NEK11: variants seen among roughly 807,000 people sequenced by gnomAD.
NEK11 encodes the protein NIMA related kinase 11.
In NEK11, 72 loss-of-function variants were observed where a neutral mutation model predicts 80.7. That is an observed-to-expected ratio of 0.89 (90% CI 0.74 to 1.08). The LOEUF is 1.08. Among genes scored for constraint, NEK11 ranks in the 50% least tolerant of loss-of-function variants. The pLI is 0.00. For missense variants in NEK11, 764 were observed against 763.6 expected, an observed-to-expected ratio of 1.00 and a Z score of -0.01; for synonymous variants, 251 against 260.7, an observed-to-expected ratio of 0.96 and a Z score of 0.36.
intron 3 of NEK11, among the ~76,000 whole-genome samples, chr3:131,042,969 C>T (rs866918342): frequency 6.6e-6 from 1 of 152,150 alleles, no homozygotes; most frequent in Non-Finnish European, 1.5e-5. Context: ...CCCAGGCAAA[C>T]GGGGTTTGGA....
intron 4 of NEK11, among the ~76,000 whole-genome samples, chr3:131,089,070 T>G (rs1288568419): frequency 1.3e-5 from 2 of 152,260 alleles, no homozygotes; most frequent in Non-Finnish European, 2.9e-5. Context: ...GTACATCTTT[T>G]GCCTTTGGAG....
chr3:131,167,342 A>G (rs779737564), intron 12 of NEK11, among the ~76,000 whole-genome samples: 5 of 152,220 alleles, frequency 3.3e-5, no homozygotes, highest in Admixed American at 6.5e-5. Context: ...ATTGAGAAGT[A>G]CAGGCATGGT....
chr3:131,170,316 A>G (rs1326677340), intron 13 of NEK11, among the ~76,000 whole-genome samples: 1 of 152,224 alleles, frequency 6.6e-6, no homozygotes, highest in African/African-American at 2.4e-5. Flanking sequence ...CTTTTAGGAA[A>G]TTGGAATTCA....
intron 3 of NEK11, among the ~76,000 whole-genome samples, chr3:131,064,972 T>C (rs2071625722): frequency 1.3e-5 from 2 of 152,156 alleles, no homozygotes; most frequent in Admixed American, 1.3e-4. Context: ...GTAGAGACAG[T>C]GTGTCCCAGA....
At chr3:131,306,566 A>G (rs1246114090) in intron 17 of NEK11, among the ~76,000 whole-genome samples, 1 of 152,190 alleles carries the variant, frequency 6.6e-6, no homozygotes, top group African/African-American at 2.4e-5. Context: ...GAAGGCTAGA[A>G]CTAACTGGAG....
chr3:131,118,619 G>A (rs2081750857), intron 5 of NEK11, among the ~76,000 whole-genome samples: 1 of 152,124 alleles, frequency 6.6e-6, no homozygotes, highest in African/African-American at 2.4e-5. Flanking sequence ...TTTTTGGTTG[G>A]TAGGCTATTA....
chr3:131,049,385 A>G (rs1286977954), intron 3 of NEK11, among the ~76,000 whole-genome samples: 10 of 152,226 alleles, frequency 6.6e-5, no homozygotes, highest in African/African-American at 1.2e-4. Flanking sequence ...GTTACGCAGT[A>G]TATGTCCTAG....
chr3:131,132,247 G>A (rs568492204), intron 5 of NEK11, among the ~76,000 whole-genome samples: 60 of 151,662 alleles, frequency 4.0e-4, no homozygotes, highest in African/African-American at 1.4e-3. Context: ...AAGTTTTCTA[G>A]TTCTTTATAA....
At chr3:131,308,722 A>G (rs575196496) in intron 17 of NEK11, among the ~76,000 whole-genome samples, 20 of 152,266 alleles carry the variant, frequency 1.3e-4, no homozygotes, top group Non-Finnish European at 2.5e-4. Context: ...GATTCTCAAG[A>G]CTCAATTTAA....
intron 3 of NEK11, among the ~76,000 whole-genome samples, chr3:131,065,184 A>T (rs1479548583): frequency 6.6e-6 from 1 of 152,162 alleles, no homozygotes; most frequent in East Asian, 1.9e-4. Context: ...TTTATATCTC[A>T]GTCTTTCCAC....
chr3:131,080,593 G>A lies in NEK11; in HGVS notation c.336+5G>A. On this transcript the variant is annotated splice_donor_5th_base_variant and intron_variant, in intron 4 of 17. Coordinates refer to ENST00000383366, the MANE Select transcript of NEK11 (RefSeq NM_024800.5). The stretch of plus-strand genomic sequence containing the variant: ...ATTATCACGGAGTACTGTGAGGTGA[G>A]ACTCTCCTTTTCTCTTGGAAGTCTT... The A allele has an allele frequency of 6.2e-7, 1 of 1,601,744 alleles. No homozygotes were observed. The highest frequency in any genetic ancestry group is 8.5e-7 in the Non-Finnish European group (1 of 1,176,460).
chr3:131,297,344 G>T (rs1450389762), intron 17 of NEK11, among the ~76,000 whole-genome samples: 1 of 152,034 alleles, frequency 6.6e-6, no homozygotes. Context: ...ACTTTTTAAT[G>T]ATTGCCATTC....
intron 14 of NEK11, among the ~76,000 whole-genome samples, chr3:131,184,410 C>G (rs905205775): frequency 6.6e-6 from 1 of 152,164 alleles, no homozygotes; most frequent in Admixed American, 6.5e-5. Context: ...AAGGACTGAG[C>G]TAGACTCTAA....
At chr3:131,252,243 C>G (rs537739500) in intron 16 of NEK11, among the ~76,000 whole-genome samples, 10 of 152,228 alleles carry the variant, frequency 6.6e-5, no homozygotes, top group African/African-American at 2.2e-4. Context: ...CTAGGCTTTA[C>G]TCATGCTCAT....
At chr3:131,310,467 C>T (rs1032066123) in intron 17 of NEK11, among the ~76,000 whole-genome samples, 6 of 152,088 alleles carry the variant, frequency 3.9e-5, no homozygotes, top group Admixed American at 6.6e-5. Flanking sequence ...GGATTAGATG[C>T]GAGATATTTT....
At chr3:131,088,710 A>T (rs1386547403) in intron 4 of NEK11, among the ~76,000 whole-genome samples, 1 of 152,178 alleles carries the variant, frequency 6.6e-6, no homozygotes, top group Non-Finnish European at 1.5e-5. Flanking sequence ...CTATCTCTAA[A>T]AGAATTTGAA....
At chr3:131,120,673 G>A (rs192017795) in intron 5 of NEK11, among the ~76,000 whole-genome samples, 45 of 152,070 alleles carry the variant, frequency 3.0e-4, no homozygotes, top group Admixed American at 8.5e-4. Flanking sequence ...GTCTTTGTTC[G>A]TTCCTTTTTA....
chr3:131,148,485 A>G (rs909553009), intron 7 of NEK11, among the ~76,000 whole-genome samples: 29 of 151,914 alleles, frequency 1.9e-4, no homozygotes, highest in Admixed American at 8.5e-4. Flanking sequence ...TCTTTGCAAG[A>G]GCTTTTTATT....
chr3:131,317,733 T>C (rs970679166), intron 17 of NEK11, among the ~76,000 whole-genome samples: 1 of 107,684 alleles, frequency 9.3e-6, no homozygotes, highest in East Asian at 2.7e-4. Context: ...TTGGGTGACA[T>C]AGTGAAACCC....
Sources: allele counts gnomAD v4.1 joint callset (sites outside exome capture counted in the v4.1 genomes callset), GRCh38; gene constraint gnomAD v4.1.1; transcripts MANE v1.5; gene names NCBI Gene and HGNC (gene_info 2026-07-23, HGNC 2026-07-21).